The following TBC1D23 variants were observed in gnomAD, a reference collection of about 807,000 sequenced individuals.
TBC1D23 encodes HCV non-structural protein 4A-transactivated protein 1.
In TBC1D23, 55 loss-of-function variants were observed where a neutral mutation model predicts 91.4. The observed-to-expected ratio is 0.60, with a 90% CI of 0.48 to 0.75. The LOEUF (loss-of-function observed/expected upper bound fraction) is 0.75. Among genes scored for constraint, TBC1D23 ranks in the 30% least tolerant of loss-of-function variants. TBC1D23 has a pLI of 0.00. For synonymous variants in TBC1D23, 289 were observed against 281.0 expected, an observed-to-expected ratio of 1.03 and a Z score of -0.28; for missense variants, 725 against 836.1, an observed-to-expected ratio of 0.87 and a Z score of 1.64.
intron 12 of TBC1D23, among the ~76,000 whole-genome samples, chr3:100,305,469 C>T (rs1705500594): frequency 1.3e-5 from 2 of 151,974 alleles, no homozygotes; most frequent in African/African-American, 2.4e-5. Flanking sequence ...TTAAAAGAGC[C>T]TGTCTTACAT....
At chr3:100,304,088 TCTTTTAA>T (rs1705477776) in intron 11 of TBC1D23, among the ~76,000 whole-genome samples, 1 of 87,622 alleles carries the variant, frequency 1.1e-5, no homozygotes, top group South Asian at 4.3e-4. Context: ...TTGGTTGATG[TCTTTTAA>T]GTTTCTTTTA....
chr3:100,282,695 A>G (rs2067705265), intron 3 of TBC1D23, among the ~76,000 whole-genome samples: 1 of 152,222 alleles, frequency 6.6e-6, no homozygotes, highest in Admixed American at 6.5e-5. Context: ...TGTGGTAAGC[A>G]CAGCAGAAAC....
chr3:100,279,659 C>A lies in TBC1D23; in HGVS notation c.64C>A (p.Leu22Ile), dbSNP rs766156995. The A allele has an allele frequency of 1.0e-5, 16 of 1,593,596 alleles. No individual in the cohort carries two copies. Among genetic ancestry groups the A allele is most frequent in the Non-Finnish European group, 1.4e-5 (16 of 1,167,256 alleles). The change falls in exon 2 of 19, where the codon CTT becomes ATT. Residue 22 changes from leucine to isoleucine, a missense_variant. Physicochemically the swap from Leu to Ile is conservative, Grantham distance 5. Coordinates refer to ENST00000394144, the MANE Select transcript of TBC1D23 (RefSeq NM_001199198.3). ...GGACTTATTTTTTAGGGAAAAAGAT[C>A]TTGAAGAAGCTCTGGAAGCAGGAGG... ...TSSGDGWEKD[L>I]EEALEAGGCD...
chr3:100,285,527 A>G (rs999808402), intron 4 of TBC1D23, among the ~76,000 whole-genome samples: 1 of 152,230 alleles, frequency 6.6e-6, no homozygotes, highest in Non-Finnish European at 1.5e-5. Context: ...TATTATGAGT[A>G]TGAAGCTGTG....
intron 10 of TBC1D23, 163 bp from the exon 11 acceptor site, chr3:100,301,904 A>G: frequency 1.8e-6 from 1 of 571,050 alleles, no homozygotes. Flanking sequence ...ATTTATAAAT[A>G]TTTCTCTTAT....
chr3:100,302,691 AT>A (rs1333195859), intron 11 of TBC1D23, among the ~76,000 whole-genome samples: 4 of 152,046 alleles, frequency 2.6e-5, no homozygotes, highest in Non-Finnish European at 5.9e-5. Flanking sequence ...GATTCAAACA[AT>A]TTTCCTGCCT....
chr3:100,290,609 C>T lies in TBC1D23; in HGVS notation c.508C>T (p.Leu170Phe), dbSNP rs1056361147. Residue 170 changes from leucine (L) to phenylalanine (F), a missense_variant, in exon 5 of 19, where the codon CTC becomes TTC. Transcript: ENST00000394144. The part of the protein sequence containing the change: ...DCSQKGRPFH[L>F]FRLLIQYHEP... ...TTCCCAGAAAGGGAGACCATTTCAT[C>T]TCTTCAGGTTGCTCATCCAATACCA... 6.2e-7 allele frequency: 1 copy of T among 1,613,766 alleles called. No individual in the cohort carries two copies. The highest frequency in any genetic ancestry group is 2.2e-5 in the East Asian group (1 of 44,868).
chr3:100,304,217 G>A (rs1223246542), intron 11 of TBC1D23, among the ~76,000 whole-genome samples: 3 of 152,028 alleles, frequency 2.0e-5, no homozygotes, highest in Non-Finnish European at 2.9e-5. Context: ...ACATTCACAT[G>A]GTGTCATTTA....
At chr3:100,311,182 C>T (rs1705618474) in intron 14 of TBC1D23, among the ~76,000 whole-genome samples, 1 of 152,084 alleles carries the variant, frequency 6.6e-6, no homozygotes, top group South Asian at 2.1e-4. Context: ...ATAATTGCAA[C>T]ACAGAATTTG....
At chr3:100,288,910 G>A (rs547776296) in intron 4 of TBC1D23, among the ~76,000 whole-genome samples, 37 of 152,050 alleles carry the variant, frequency 2.4e-4, no homozygotes, top group Non-Finnish European at 5.1e-4. Context: ...TTAACTGTAC[G>A]GGTTAAAAAG....
intron 1 of TBC1D23, among the ~76,000 whole-genome samples, chr3:100,273,194 GA>G (rs2067615211): frequency 6.6e-6 from 1 of 152,220 alleles, no homozygotes; most frequent in South Asian, 2.1e-4. Flanking sequence ...GGGTACTTGA[GA>G]TTAGGGAGTG....
chr3:100,279,509 T>C (rs1320244256), intron 1 of TBC1D23, 140 bp from the exon 2 acceptor site: 2 of 563,928 alleles, frequency 3.5e-6, no homozygotes, highest in Non-Finnish European at 6.5e-6. Context: ...ACATGCTGTG[T>C]ATACCTTGGC....
In TBC1D23 at chr3:100,319,220, T is replaced by C. The variant is rs1212106822; in HGVS notation, c.1823+16T>C. ...TGTTTCCCAGGTACTTTTAAAAATG[T>C]CTTCATAAGAAGTAAAATTGAATTT... On this transcript the variant is annotated intron_variant, in intron 17 of 18. Coordinates refer to ENST00000394144, the MANE Select transcript of TBC1D23 (RefSeq NM_001199198.3). 4 of 1,590,918 alleles carry C rather than the reference T, an allele frequency of 2.5e-6. No individual in the cohort carries two copies. The highest frequency in any genetic ancestry group is 1.2e-5 in the South Asian group (1 of 86,096).
chr3:100,319,769 A>T (rs1705818071), intron 17 of TBC1D23, among the ~76,000 whole-genome samples: 1 of 151,280 alleles, frequency 6.6e-6, no homozygotes, highest in South Asian at 2.1e-4. Context: ...TTTTAATACC[A>T]CCCCATTTCG....
rs145443115 is a variant in TBC1D23 at position 100,296,805 on chromosome 3, A to C, written c.876+530A>C. Among the ~76,000 whole-genome samples the C allele has an allele frequency of 4.7e-3, 706 of 149,848 alleles. 2 individuals carry two copies. The highest frequency in any genetic ancestry group is 6.4e-3 in the Non-Finnish European group (431 of 67,692). On this transcript the variant is annotated intron_variant, in intron 8 of 18. Coordinates refer to ENST00000394144, the MANE Select transcript of TBC1D23 (RefSeq NM_001199198.3). ...AACCCAGGAGGCGGAGTTTGCAGTG[A>C]GCTGAGATTGTGCCACTGCACTCCA...
At chr3:100,322,092 T>A (rs746314770) in intron 18 of TBC1D23, among the ~76,000 whole-genome samples, 27 of 145,830 alleles carry the variant, frequency 1.9e-4, no homozygotes, top group Non-Finnish European at 3.5e-4. Context: ...ATAAATTTTT[T>A]AAAATTAATT....
At chr3:100,282,549 A>G (rs2067704114) in intron 3 of TBC1D23, among the ~76,000 whole-genome samples, 1 of 152,166 alleles carries the variant, frequency 6.6e-6, no homozygotes, top group South Asian at 2.1e-4. Context: ...GTTTCCAGTC[A>G]CCCCACAACA....
chr3:100,320,350 C>T (rs1294962640), intron 17 of TBC1D23, among the ~76,000 whole-genome samples: 2 of 152,026 alleles, frequency 1.3e-5, no homozygotes, highest in African/African-American at 4.8e-5. Context: ...AGAATGTTTA[C>T]AAAATATGTA....
chr3:100,313,369 G>A (rs149346021), intron 15 of TBC1D23, among the ~76,000 whole-genome samples: 16 of 152,136 alleles, frequency 1.1e-4, no homozygotes, highest in African/African-American at 3.4e-4. Flanking sequence ...TTCTTTCTAA[G>A]CTCAGTAAAT....
Sources: allele counts gnomAD v4.1 joint callset (sites outside exome capture counted in the v4.1 genomes callset), GRCh38; gene constraint gnomAD v4.1.1; transcripts MANE v1.5; gene names NCBI Gene and HGNC (gene_info 2026-07-23, HGNC 2026-07-21).